Variants in JAKMIP3 observed in about 807,000 individuals in gnomAD.
JAKMIP3 encodes the protein janus kinase and microtubule-interacting protein 3.
A neutral mutation model predicts 118.5 loss-of-function variants in JAKMIP3; 58 were observed. That is an observed-to-expected ratio of 0.49 (90% CI 0.40 to 0.61). The LOEUF is 0.61. JAKMIP3 is among the 20% of genes least tolerant of loss of function. The pLI is 0.00. For synonymous variants in JAKMIP3, 486 were observed against 451.2 expected (o/e 1.08, Z -0.98); for missense variants, 950 against 1,109.0 (o/e 0.86, Z 2.04).
intron 1 of JAKMIP3, among the ~76,000 whole-genome samples, chr10:132,084,203 A>T (rs1050365468): frequency 6.6e-6 from 1 of 152,090 alleles, no homozygotes; most frequent in African/African-American, 2.4e-5. Context: ...TGTGTTATCT[A>T]TGATTTCTTT....
chr10:132,168,971 C>T lies in JAKMIP3; in HGVS notation c.*1041C>T, dbSNP rs988983235. The T allele has an allele frequency of 5.7e-5, 9 of 158,454 alleles. No individual in the cohort carries two copies. The highest frequency in any genetic ancestry group is 2.4e-4 in the Admixed American group (4 of 16,816). 9.8% of individuals were successfully genotyped at this position (158,454 alleles called of 1,614,324 possible). On this transcript the variant is annotated 3_prime_UTR_variant, in exon 23 of 24. Transcript: ENST00000684848. ...GGGCGCAAGAAGGGAACCGCGGGGA[C>T]GGCCTTTCCCCTCCCGCCCTGTGTG...
chr10:132,088,323 A>G (rs1240765629), intron 1 of JAKMIP3, among the ~76,000 whole-genome samples: 1 of 152,232 alleles, frequency 6.6e-6, no homozygotes, highest in African/African-American at 2.4e-5. Context: ...CAGTCCCACC[A>G]ACAGTGTAAA....
chr10:132,045,155 A>G (rs905579757), intron 1 of JAKMIP3, among the ~76,000 whole-genome samples: 1 of 151,952 alleles, frequency 6.6e-6, no homozygotes, highest in Non-Finnish European at 1.5e-5. Flanking sequence ...CGAGCGTTCC[A>G]GTTTCCCCAC....
intron 4 of JAKMIP3, among the ~76,000 whole-genome samples, chr10:132,134,703 C>T (rs752860078): frequency 9.9e-5 from 15 of 152,256 alleles, no homozygotes; most frequent in South Asian, 4.1e-4. Context: ...CACCCACACT[C>T]GCGGTTTCTG....
At chr10:132,036,842 C>A (rs1364875232) in intron 1 of JAKMIP3, among the ~76,000 whole-genome samples, 8 of 151,676 alleles carry the variant, frequency 5.3e-5, no homozygotes. Flanking sequence ...GTGGGGCGGG[C>A]GGGGGGCGAC....
intron 2 of JAKMIP3, 30 bp downstream of exon 2, chr10:132,104,973 A>C: frequency 6.4e-7 from 1 of 1,568,202 alleles, no homozygotes; most frequent in Non-Finnish European, 8.6e-7. Flanking sequence ...CCACCCTTGA[A>C]TGTCCCTCCC....
intron 9 of JAKMIP3, among the ~76,000 whole-genome samples, chr10:132,139,483 TGTGA>T (rs2052970663): frequency 7.0e-6 from 1 of 143,444 alleles, no homozygotes. Flanking sequence ...TGTGAGTGTG[TGTGA>T]GAGTATGTGA....
intron 1 of JAKMIP3, among the ~76,000 whole-genome samples, chr10:132,088,812 G>T (rs1341175970): frequency 6.6e-6 from 1 of 152,170 alleles, no homozygotes; most frequent in Non-Finnish European, 1.5e-5. Context: ...TATTGCCTAG[G>T]TTTTCTTCTA....
intron 1 of JAKMIP3, among the ~76,000 whole-genome samples, chr10:132,039,499 C>T (rs1000555774): frequency 1.3e-5 from 2 of 152,038 alleles, no homozygotes; most frequent in Non-Finnish European, 2.9e-5. Flanking sequence ...CCCTGGACAG[C>T]GTGGTCCCTG....
chr10:132,040,857 C>T lies in JAKMIP3; in HGVS notation c.-138+4119C>T, dbSNP rs868304204. 5.7e-4 allele frequency among the ~76,000 whole-genome samples: 86 copies of T among 152,202 alleles called. 1 individual carries two copies. The highest frequency in any genetic ancestry group is 1.7e-3 in the South Asian group (8 of 4,824). On this transcript the variant is annotated intron_variant, in intron 1 of 23. Transcript: ENST00000657785. ...CTGTTGAGAGCTCCCACTTCCTAGC[C>T]CTGGAAGCCTCCCTTCCAGTCTTTA... is the stretch of plus-strand genomic sequence containing the variant.
At chr10:132,180,384 G>A (rs2060628909) in intron 23 of JAKMIP3, among the ~76,000 whole-genome samples, 1 of 136,662 alleles carries the variant, frequency 7.3e-6, no homozygotes, top group African/African-American at 2.8e-5. Flanking sequence ...GTTTGGATGA[G>A]GTCCTCAGCT....
Position 132,117,431 on chromosome 10 carries a change from G to T in JAKMIP3, c.490G>T (p.Ala164Ser). The stretch of plus-strand genomic sequence containing the variant: ...GCAGGAGATCTCCGAGCTCAAGGGC[G>T]CCAAAAGGCAGGTGGAGGAGGCGCT... ...MQQEISELKG[A>S]KRQVEEALTL... Residue 164 changes from alanine (A) to serine (S), a missense_variant, in exon 3 of 24, where the codon GCC (alanine) becomes TCC (serine). Ala to Ser is a moderately conservative substitution (Grantham distance 99). Transcript: ENST00000684848. The surrounding 1 kb of genome is among the most constrained non-coding windows in gnomAD (Gnocchi z 8.6). The T allele has an allele frequency of 3.1e-6, 5 of 1,613,984 alleles. No homozygotes were observed. Among genetic ancestry groups the T allele is most frequent in the Non-Finnish European group, 3.4e-6 (4 of 1,179,900 alleles).
intron 3 of JAKMIP3, among the ~76,000 whole-genome samples, chr10:132,130,434 C>T (rs12259496): frequency 0.044 from 6,689 of 152,312 alleles, 470 homozygotes; most frequent in African/African-American, 0.15. Flanking sequence ...CGTGTGCTCA[C>T]GTCACCACCC....
At position 132,112,936 on chromosome 10, in the gene JAKMIP3, T is replaced by A. The variant is rs933398038; in HGVS notation, c.136-4141T>A. ...TTCTTTCCTACTCCTTAGAAAAAAA[T>A]AGACAGTTCTCATCAGAGAGCATGC... is the stretch of plus-strand genomic sequence containing the variant. On this transcript the variant is annotated intron_variant, in intron 2 of 23. Transcript: ENST00000684848. This position sits in a 1 kb window ranked among gnomAD's most constrained non-coding sequence, Gnocchi z 4.3. Among the ~76,000 whole-genome samples the A allele has an allele frequency of 6.6e-6, 1 of 152,094 alleles. No homozygotes were observed. Among genetic ancestry groups the A allele is most frequent in the Non-Finnish European group, 1.5e-5 (1 of 68,006 alleles).
intron 1 of JAKMIP3, among the ~76,000 whole-genome samples, chr10:132,090,511 G>A (rs1358364113): frequency 1.3e-5 from 2 of 152,184 alleles, no homozygotes; most frequent in Non-Finnish European, 2.9e-5. Flanking sequence ...GGTGTTTATA[G>A]TATTCTCTGA....
chr10:132,135,645 C>G (rs1228200933), intron 5 of JAKMIP3, among the ~76,000 whole-genome samples: 1 of 152,246 alleles, frequency 6.6e-6, no homozygotes, highest in Non-Finnish European at 1.5e-5. Flanking sequence ...TGGGACGGGA[C>G]TCACCCCCGG....
chr10:132,045,573 G>C (rs1480450956), intron 1 of JAKMIP3, among the ~76,000 whole-genome samples: 1 of 152,130 alleles, frequency 6.6e-6, no homozygotes, highest in Non-Finnish European at 1.5e-5. Flanking sequence ...GTGTACTGAG[G>C]TCTGCAGCTC....
rs1167989935 is a variant in JAKMIP3 at position 132,117,841 on chromosome 10, C to G, written c.633+267C>G. On this transcript the variant is annotated intron_variant, in intron 3 of 23. Transcript: ENST00000684848. The surrounding 1 kb of genome is among the most constrained non-coding windows in gnomAD (Gnocchi z 8.6). ...AGGCCAGACTCTCACCTCCCCTTTT[C>G]CACAAACACCAGCTCTACTTCCTTT... is the stretch of plus-strand genomic sequence containing the variant. Among the ~76,000 whole-genome samples, 1 of 152,182 alleles carries G rather than the reference C, an allele frequency of 6.6e-6. No homozygotes were observed. Among genetic ancestry groups the G allele is most frequent in the Non-Finnish European group, 1.5e-5 (1 of 68,034 alleles).
At chr10:132,180,666 C>CGCGT (rs2061000672) in intron 23 of JAKMIP3, among the ~76,000 whole-genome samples, 6 of 14,370 alleles carry the variant, frequency 4.2e-4, no homozygotes, top group African/African-American at 1.9e-3. Context: ...TGCGTGTGTG[C>CGCGT]GTGTGTGTGC....
Sources: gnomAD v4.1 joint callset for allele counts (sites outside exome capture counted in the v4.1 genomes callset) on GRCh38, gnomAD v4.1.1 for gene constraint, Gnocchi (gnomAD v3.1) non-coding constraint, MANE v1.5 for transcripts, NCBI Gene and HGNC (gene_info 2026-07-23, HGNC 2026-07-21) for gene names.